The following DMD variants were observed in gnomAD, a reference collection of about 807,000 sequenced individuals.
DMD encodes the protein dystrophin.
DMD carries 63 observed loss-of-function variants against 330.1 expected under a neutral mutation model. The observed-to-expected ratio is 0.19, with a 90% CI of 0.16 to 0.24. The LOEUF (loss-of-function observed/expected upper bound fraction) is 0.24. Ranked by LOEUF, DMD falls within the 10% of genes least tolerant of loss-of-function variation. DMD has a pLI of 1.00. For synonymous variants in DMD, 1,223 were observed against 959.8 expected (o/e 1.27, Z -5.07); for missense variants, 3,344 against 2,684.1 (o/e 1.25, Z -5.43).
intron 7 of DMD, among the ~76,000 whole-genome samples, chrX:32,745,808 T>TA (rs1320624075): frequency 8.9e-6 from 1 of 112,475 alleles, no homozygotes; most frequent in African/African-American, 3.2e-5. Flanking sequence ...ACGATTTGTA[T>TA]AAGTAATGTA....
rs59502866 is a variant in DMD, at chrX:32,606,722, C to CATATAT, written c.1482+7575_1482+7580dup. Among the ~76,000 whole-genome samples, 206 of 85,899 alleles carry CATATAT rather than the reference C, an allele frequency of 2.4e-3. 1 individual carries two copies. The highest frequency in any genetic ancestry group is 4.3e-3 in the Non-Finnish European group (177 of 41,601). The allele number at this position is 85,899 out of a possible 115,157, so 74.6% of individuals were successfully genotyped here. A position where few individuals can be genotyped will look rare whatever the true frequency, so the allele number is the denominator to read the frequency against. On this transcript the variant is annotated intron_variant, in intron 12 of 78. Coordinates refer to ENST00000357033, the MANE Select transcript of DMD (RefSeq NM_004006.3). Reference sequence around the variant, plus strand: ...ACATGTATATATGTGTGTATATACGCATATATATATATATATATATACACA... The same window carrying CATATAT: ...ACATGTATATATGTGTGTATATACGCATATATATATATATATATATATATATACACA...
intron 9 of DMD, among the ~76,000 whole-genome samples, chrX:32,659,748 A>G (rs1303333709): frequency 1.8e-5 from 2 of 111,007 alleles, no homozygotes; most frequent in Non-Finnish European, 3.8e-5. Flanking sequence ...TCTTTCCATG[A>G]CAGAGCAGGG....
At chrX:31,819,033 C>CA (rs200741617) in intron 50 of DMD, among the ~76,000 whole-genome samples, 120 of 94,666 alleles carry the variant, frequency 1.3e-3, no homozygotes, top group South Asian at 6.8e-3. Context: ...GCAGACAAGG[C>CA]AAAAAAAAAA....
In DMD at chrX:31,627,774, T is replaced by C. The variant is rs2078922660; in HGVS notation, c.8116A>G (p.Thr2706Ala). The change falls in exon 55 of 79, where the codon ACA (threonine) becomes GCA (alanine). Residue 2706 changes from threonine to alanine, a missense_variant. By Grantham distance (58) the Thr-to-Ala change is moderately conservative. Transcript: ENST00000357033. Reference sequence around the variant, plus strand: ...ACATTGGCAGTTGTTTCAGCTTCTGTAAGCCAGGCAAGAAACTTTTCCAGG... The same window carrying C: ...ACATTGGCAGTTGTTTCAGCTTCTGCAAGCCAGGCAAGAAACTTTTCCAGG... ...LDLEKFLAWL[T>A]EAETTANVLQ... 1 of 1,211,229 alleles carries C rather than the reference T, an allele frequency of 8.3e-7. No individual in the cohort carries two copies. Among genetic ancestry groups the C allele is most frequent in the East Asian group, 3.0e-5 (1 of 33,800 alleles).
At chrX:32,623,623 G>A (rs1035768967) in intron 11 of DMD, among the ~76,000 whole-genome samples, 2 of 107,750 alleles carry the variant, frequency 1.9e-5, no homozygotes, top group African/African-American at 6.8e-5. Flanking sequence ...GACCTCCCAG[G>A]CCCAAATGAT....
At chrX:33,339,330 T>C in exon 1 of DMD, 1 of 987,724 alleles carries the variant, frequency 1.0e-6, no homozygotes, top group Non-Finnish European at 1.3e-6. Context: ...ATCAAGATAG[T>C]GCAAAACAGC....
intron 63 of DMD, among the ~76,000 whole-genome samples, chrX:31,227,874 T>C (rs2046775732): frequency 9.1e-6 from 1 of 110,317 alleles, no homozygotes; most frequent in South Asian, 4.0e-4. Context: ...CCAACAATGA[T>C]AGACTGGATT....
chrX:31,795,676 C>A (rs1019782428), intron 50 of DMD, among the ~76,000 whole-genome samples: 1 of 111,999 alleles, frequency 8.9e-6, no homozygotes, highest in African/African-American at 3.2e-5. Context: ...AGCATCTTAA[C>A]TATTAAATAT....
intron 29 of DMD, among the ~76,000 whole-genome samples, chrX:32,429,468 G>A (rs1400384132): frequency 1.1e-4 from 10 of 93,261 alleles, no homozygotes; most frequent in African/African-American, 4.1e-4. Flanking sequence ...GCCTGCCTTG[G>A]CCTCCCAAAG....
intron 61 of DMD, among the ~76,000 whole-genome samples, chrX:31,334,040 C>T (rs1226923896): frequency 3.6e-5 from 4 of 111,008 alleles, no homozygotes; most frequent in Admixed American, 9.5e-5. Flanking sequence ...TCAAGCAATT[C>T]TCCTGCCTCA....
At chrX:32,031,425 A>G (rs1332441454) in intron 44 of DMD, among the ~76,000 whole-genome samples, 1 of 111,125 alleles carries the variant, frequency 9.0e-6, no homozygotes, top group African/African-American at 3.3e-5. Flanking sequence ...CTTTATTCCT[A>G]GAGCAATACC....
chrX:31,368,459 C>T (rs977642480), intron 60 of DMD, among the ~76,000 whole-genome samples: 1 of 111,668 alleles, frequency 9.0e-6, no homozygotes, highest in African/African-American at 3.3e-5. Flanking sequence ...AATTCTCAAC[C>T]AGTGGGAGCA....
intron 36 of DMD, 120 bp from the exon 37 acceptor site, chrX:32,363,078 G>C: frequency 1.4e-6 from 1 of 697,198 alleles, no homozygotes; most frequent in Non-Finnish European, 2.2e-6. Flanking sequence ...AAGAGAGAGA[G>C]AGAAAGTAAG....
intron 3 of DMD, among the ~76,000 whole-genome samples, chrX:32,847,195 T>C (rs1203541705): frequency 1.8e-5 from 2 of 111,694 alleles, no homozygotes; most frequent in African/African-American, 6.5e-5. Flanking sequence ...AATTATATAG[T>C]CACAAGATTT....
At chrX:31,861,675 T>TACAC (rs1307324671) in intron 48 of DMD, among the ~76,000 whole-genome samples, 1 of 91,412 alleles carries the variant, frequency 1.1e-5, no homozygotes, top group African/African-American at 4.0e-5. Flanking sequence ...TGTATATATA[T>TACAC]ACACACACAC....
At chrX:31,122,702 G>A (rs1345855166) in intron 78 of DMD, among the ~76,000 whole-genome samples, 3 of 111,408 alleles carry the variant, frequency 2.7e-5, no homozygotes, top group Admixed American at 9.6e-5. Context: ...TATGCATTTG[G>A]GTATTTTGTG....
chrX:32,584,898 C>T (rs2054052366), intron 13 of DMD, among the ~76,000 whole-genome samples: 1 of 110,984 alleles, frequency 9.0e-6, no homozygotes, highest in South Asian at 3.8e-4. Flanking sequence ...AACTTATGTC[C>T]TTTGCTTGAT....
intron 62 of DMD, among the ~76,000 whole-genome samples, chrX:31,284,583 T>TCTTC (rs2052964417): frequency 1.0e-5 from 1 of 97,425 alleles, no homozygotes; most frequent in African/African-American, 3.9e-5. Flanking sequence ...TTCTTCTTCT[T>TCTTC]CTTCTTCTTC....
intron 60 of DMD, among the ~76,000 whole-genome samples, chrX:31,374,008 G>A (rs1468478435): frequency 1.6e-4 from 17 of 105,548 alleles, no homozygotes; most frequent in South Asian, 1.3e-3. Context: ...AAAAGTGGGC[G>A]AAGGACATGA....
Sources: gnomAD v4.1 joint callset for allele counts (sites outside exome capture counted in the v4.1 genomes callset) on GRCh38, gnomAD v4.1.1 for gene constraint, MANE v1.5 for transcripts, NCBI Gene and HGNC (gene_info 2026-07-23, HGNC 2026-07-21) for gene names.